The following PDZRN4 variants were observed in gnomAD, a reference collection of about 807,000 sequenced individuals.
PDZRN4 encodes PDZ domain-containing RING finger protein 4.
In PDZRN4, 70 loss-of-function variants were observed where a neutral mutation model predicts 99.0. The ratio of observed to expected loss-of-function variants is 0.71; its 90% CI spans 0.58 to 0.86. The LOEUF (loss-of-function observed/expected upper bound fraction) is 0.86, where lower values mean the gene tolerates loss of function less well. Ranked by LOEUF, PDZRN4 falls within the 40% of genes least tolerant of loss-of-function variation. PDZRN4 has a pLI of 0.00. For synonymous variants in PDZRN4, 551 were observed against 501.6 expected, an observed-to-expected ratio of 1.10 and a Z score of -1.32; for missense variants, 1,474 against 1,331.2, an observed-to-expected ratio of 1.11 and a Z score of -1.67.
rs1277338341 is a variant in PDZRN4, at chr12:41,573,260, C to T, written c.2481C>T (p.Ile827=). The change falls in exon 10 of 10, where the codon ATC becomes ATT. Residue 827 remains isoleucine (I), a synonymous_variant. Transcript: ENST00000402685. ...PDQEKAVSEH[I]PYLSPYHSSS... ...AAGAGAAGGCAGTCAGCGAACACAT[C>T]CCTTACCTCTCTCCTTACCACAGCT... 6.2e-7 allele frequency: 1 copy of T among 1,613,908 alleles called. No individual in the cohort carries two copies. Among genetic ancestry groups the T allele is most frequent in the Non-Finnish European group, 8.5e-7 (1 of 1,180,020 alleles).
intron 3 of PDZRN4, among the ~76,000 whole-genome samples, chr12:41,260,989 T>G (rs1276429453): frequency 6.6e-6 from 1 of 152,150 alleles, no homozygotes; most frequent in African/African-American, 2.4e-5. Flanking sequence ...CTCTCCCTTT[T>G]AATTAGAAAA....
intron 3 of PDZRN4, among the ~76,000 whole-genome samples, chr12:41,431,859 T>A (rs942837752): frequency 2.0e-5 from 3 of 152,216 alleles, no homozygotes; most frequent in African/African-American, 7.2e-5. Flanking sequence ...TGGGAACTAT[T>A]AGCAGAAGCA....
At chr12:41,481,711 A>G (rs1937676725) in intron 3 of PDZRN4, among the ~76,000 whole-genome samples, 1 of 152,116 alleles carries the variant, frequency 6.6e-6, no homozygotes, top group African/African-American at 2.4e-5. Context: ...GATTGTTTGC[A>G]CTAGTAATTT....
intron 3 of PDZRN4, among the ~76,000 whole-genome samples, chr12:41,364,766 T>C (rs1316915712): frequency 6.6e-6 from 1 of 152,090 alleles, no homozygotes; most frequent in Non-Finnish European, 1.5e-5. Flanking sequence ...AGGGGGAATA[T>C]AGGATTCGTA....
chr12:41,512,003 C>A (rs1332319270), intron 5 of PDZRN4, among the ~76,000 whole-genome samples: 5 of 152,042 alleles, frequency 3.3e-5, no homozygotes, highest in African/African-American at 1.2e-4. Flanking sequence ...GGATGAGCAC[C>A]TTAAGGAAGT....
intron 3 of PDZRN4, among the ~76,000 whole-genome samples, chr12:41,427,711 T>C (rs1249744259): frequency 2.6e-5 from 4 of 152,078 alleles, no homozygotes; most frequent in African/African-American, 7.2e-5. Context: ...ATTTTCATGA[T>C]GGAAAAAAGT....
At chr12:41,382,399 G>A (rs1036493796) in intron 3 of PDZRN4, among the ~76,000 whole-genome samples, 2 of 152,166 alleles carry the variant, frequency 1.3e-5, no homozygotes, top group Non-Finnish European at 2.9e-5. Flanking sequence ...GTAACTGATT[G>A]CAAACTTAGG....
intron 3 of PDZRN4, among the ~76,000 whole-genome samples, chr12:41,251,419 T>C (rs1019164038): frequency 6.6e-6 from 1 of 152,166 alleles, no homozygotes; most frequent in Non-Finnish European, 1.5e-5. Flanking sequence ...TATAAACTTT[T>C]TGTAAAGTAT....
intron 3 of PDZRN4, among the ~76,000 whole-genome samples, chr12:41,295,756 G>A (rs1951488863): frequency 6.6e-6 from 1 of 152,128 alleles, no homozygotes; most frequent in Non-Finnish European, 1.5e-5. Flanking sequence ...GACCCTATCA[G>A]AGCAGCACGA....
At chr12:41,302,937 C>CAT (rs1951545881) in intron 3 of PDZRN4, among the ~76,000 whole-genome samples, 1 of 26,290 alleles carries the variant, frequency 3.8e-5, no homozygotes, top group African/African-American at 8.5e-5. Context: ...ATATAAAATA[C>CAT]ACACACACAC....
chr12:41,216,822 G>A (rs1008883122), intron 3 of PDZRN4, among the ~76,000 whole-genome samples: 3 of 151,506 alleles, frequency 2.0e-5, no homozygotes, highest in Non-Finnish European at 2.9e-5. Context: ...CAAACATTAC[G>A]TTAAAAAAAT....
At chr12:41,466,424 C>A (rs1469835821) in intron 3 of PDZRN4, among the ~76,000 whole-genome samples, 3 of 152,158 alleles carry the variant, frequency 2.0e-5, no homozygotes, top group African/African-American at 4.8e-5. Context: ...AAAATAAAAC[C>A]TTTCCCCAGA....
At chr12:41,400,128 G>A (rs1182476733) in intron 3 of PDZRN4, among the ~76,000 whole-genome samples, 3 of 152,180 alleles carry the variant, frequency 2.0e-5, no homozygotes. Flanking sequence ...GCAAGAATAT[G>A]AGAGCAATAC....
rs558476033 is a variant in PDZRN4, at chr12:41,207,932, A to G, written c.843+13744A>G. On this transcript the variant is annotated intron_variant, in intron 3 of 9. Transcript: ENST00000402685. ...GCAGTGAATTCAATTGAATTACAGT[A>G]TTAGCCATGTTTACAGTTTACAAAA... Among the ~76,000 whole-genome samples the G allele has an allele frequency of 2.7e-5, 4 of 147,826 alleles. No individual in the cohort carries two copies. The South Asian group carries it at 9.0e-4, about 33-fold the overall frequency.
chr12:41,537,265 G>A (rs530367447), intron 5 of PDZRN4, among the ~76,000 whole-genome samples: 2 of 152,300 alleles, frequency 1.3e-5, no homozygotes, highest in African/African-American at 2.4e-5. Context: ...TGGTAAACAC[G>A]TGGTTTGAAA....
At chr12:41,349,499 T>C (rs1951876136) in intron 3 of PDZRN4, among the ~76,000 whole-genome samples, 2 of 151,970 alleles carry the variant, frequency 1.3e-5, no homozygotes, top group African/African-American at 4.8e-5. Flanking sequence ...GTCTCCATTA[T>C]AAAATAGGTT....
At chr12:41,555,642 A>T in intron 6 of PDZRN4, 56 bp from the exon 7 acceptor site, 1 of 1,306,264 alleles carries the variant, frequency 7.7e-7, no homozygotes, top group South Asian at 1.3e-5. Flanking sequence ...CATATTTTTA[A>T]GTTCTTGAGG....
intron 3 of PDZRN4, among the ~76,000 whole-genome samples, chr12:41,360,817 C>T (rs1278561988): frequency 6.6e-6 from 1 of 151,910 alleles, no homozygotes; most frequent in Admixed American, 6.6e-5. Context: ...AGCTAATGTC[C>T]ATATGTACAT....
intron 3 of PDZRN4, among the ~76,000 whole-genome samples, chr12:41,504,164 G>A (rs1938163794): frequency 6.6e-6 from 1 of 152,162 alleles, no homozygotes; most frequent in African/African-American, 2.4e-5. Context: ...AGCTACTTGG[G>A]TGGCTGAGGC....
Sources: gnomAD v4.1 joint callset for allele counts (sites outside exome capture counted in the v4.1 genomes callset) on GRCh38, gnomAD v4.1.1 for gene constraint, MANE v1.5 for transcripts, NCBI Gene and HGNC (gene_info 2026-07-23, HGNC 2026-07-21) for gene names.